Variants in LMX1B observed in about 807,000 individuals in gnomAD.
The protein encoded by LMX1B is LIM homeobox transcription factor 1 beta.
In LMX1B, 12 loss-of-function variants were observed where a neutral mutation model predicts 51.4. The ratio of observed to expected loss-of-function variants is 0.23; its 90% CI spans 0.15 to 0.38. The LOEUF (loss-of-function observed/expected upper bound fraction) is 0.38. LMX1B is among the 10% of genes least tolerant of loss of function. The probability of loss-of-function intolerance (pLI) is 1.00; values close to 1 mark genes in which losing one functional copy is unlikely to be tolerated. For synonymous variants in LMX1B, 237 were observed against 235.4 expected (o/e 1.01, Z -0.06); for missense variants, 445 against 571.1 (o/e 0.78, Z 2.25).
intron 2 of LMX1B, among the ~76,000 whole-genome samples, chr9:126,667,134 AT>A (rs1455067883): frequency 2.0e-5 from 3 of 152,202 alleles, no homozygotes; most frequent in African/African-American, 7.2e-5. Context: ...CAGTTGACAG[AT>A]GCGTAACGTT....
intron 2 of LMX1B, among the ~76,000 whole-genome samples, chr9:126,629,525 A>G (rs1835598126): frequency 6.6e-6 from 1 of 152,144 alleles, no homozygotes; most frequent in Non-Finnish European, 1.5e-5. Context: ...TCACGAGAAA[A>G]CTTTCAGCAG....
chr9:126,660,025 G>A (rs1836202992), intron 2 of LMX1B, among the ~76,000 whole-genome samples: 1 of 150,362 alleles, frequency 6.7e-6, no homozygotes, highest in Non-Finnish European at 1.5e-5. Flanking sequence ...TGTCCTGTGT[G>A]GGGGTGTCTA....
intron 6 of LMX1B, 173 bp downstream of exon 6, chr9:126,693,985 C>A: frequency 1.7e-6 from 1 of 584,924 alleles, no homozygotes; most frequent in South Asian, 2.1e-5. Flanking sequence ...CGGGATGTTT[C>A]TTTTAACAAA....
chr9:126,628,564 C>A (rs940108489), intron 2 of LMX1B, among the ~76,000 whole-genome samples: 1 of 152,172 alleles, frequency 6.6e-6, no homozygotes, highest in Non-Finnish European at 1.5e-5. Context: ...GGAATCTCTA[C>A]GCTGCGAAAC....
At position 126,699,955 on chromosome 9, in the gene LMX1B, A is replaced by G. The variant is rs1481214465; in HGVS notation, c.*3504A>G. The G allele has an allele frequency of 6.6e-6, 1 of 152,276 alleles. No homozygotes were observed. 9.4% of individuals were successfully genotyped at this position (152,276 alleles called of 1,614,324 possible). On this transcript the variant is annotated 3_prime_UTR_variant, in exon 8 of 8. Transcript: ENST00000373474. ...AGGGAGATAACTGTGTGGTCTCCAG[A>G]GCAAAAGAGAATGAGAGGTGGGCAG...
intron 2 of LMX1B, among the ~76,000 whole-genome samples, chr9:126,650,575 A>T (rs1198322282): frequency 1.3e-5 from 2 of 152,194 alleles, no homozygotes; most frequent in Non-Finnish European, 2.9e-5. Flanking sequence ...TGGAAAGAGG[A>T]TGTTAATGAC....
chr9:126,669,381 A>G (rs1485872494), intron 2 of LMX1B, among the ~76,000 whole-genome samples: 1 of 152,172 alleles, frequency 6.6e-6, no homozygotes, highest in Admixed American at 6.5e-5. Flanking sequence ...TGGGTGGGTC[A>G]CTGCCCTCTC....
In LMX1B at chr9:126,696,374, G is replaced by A. The variant is rs375881049; in HGVS notation, c.1132G>A (p.Val378Met). ...LSDCFLGSSDVGSLQARVGNP... is the reference protein window; with the variant it reads ...LSDCFLGSSDMGSLQARVGNP... ...CGACTGCTTCCTCGGCTCCTCAGACGTGGGCTCCCTGCAGGCCCGCGTGGG... is the reference window on the plus strand; with the variant it reads ...CGACTGCTTCCTCGGCTCCTCAGACATGGGCTCCCTGCAGGCCCGCGTGGG... Residue 378 changes from valine (V) to methionine (M), a missense_variant, in exon 8 of 8, where the codon GTG (valine) becomes ATG (methionine). Physicochemically the swap from Val to Met is conservative, Grantham distance 21. Coordinates refer to ENST00000373474, the MANE Select transcript of LMX1B (RefSeq NM_001174147.2). 31 of 1,613,950 alleles carry A rather than the reference G, an allele frequency of 1.9e-5. No homozygotes were observed. Among genetic ancestry groups the A allele is most frequent in the African/African-American group, 6.7e-5 (5 of 74,918 alleles).
rs1272119239 is a variant in LMX1B, at chr9:126,641,937, C to G, written c.326+26368C>G. Among the ~76,000 whole-genome samples, 1 of 152,178 alleles carries G rather than the reference C, an allele frequency of 6.6e-6. No individual in the cohort carries two copies. Among genetic ancestry groups the G allele is most frequent in the East Asian group, 1.9e-4 (1 of 5,200 alleles). On this transcript the variant is annotated intron_variant, in intron 2 of 7. Transcript: ENST00000373474. The surrounding 1 kb of genome is among the most constrained non-coding windows in gnomAD (Gnocchi z 4.1). ...TCTGTGAGATAGGGACCAGCTTATC[C>G]CCATTTTACAGATGACGCAACAGCC... is the stretch of plus-strand genomic sequence containing the variant.
At chr9:126,656,043 G>A (rs1034889382) in intron 2 of LMX1B, among the ~76,000 whole-genome samples, 2 of 152,224 alleles carry the variant, frequency 1.3e-5, no homozygotes, top group Admixed American at 6.5e-5. Flanking sequence ...CACTGAAGTA[G>A]AGGATTAAAT....
chr9:126,628,177 C>T (rs928033656), intron 2 of LMX1B, among the ~76,000 whole-genome samples: 1 of 152,200 alleles, frequency 6.6e-6, no homozygotes, highest in Non-Finnish European at 1.5e-5. Flanking sequence ...TTGGCCCTTC[C>T]TGTCTATAGT....
rs1835499479 is a variant in LMX1B at position 126,625,214 on chromosome 9, A to T, written c.326+9645A>T. Among the ~76,000 whole-genome samples the T allele has an allele frequency of 6.6e-6, 1 of 152,162 alleles. No homozygotes were observed. The highest frequency in any genetic ancestry group is 1.5e-5 in the Non-Finnish European group (1 of 68,022). On this transcript the variant is annotated intron_variant, in intron 2 of 7. Transcript: ENST00000373474. The surrounding 1 kb of genome is among the most constrained non-coding windows in gnomAD (Gnocchi z 5.3). Reference sequence around the variant, plus strand: ...GGGGCTCCGGCCCTGTAGCCCCCTGACGCTTTTCGTTTCCGAGCGCGCTTG... The same window carrying T: ...GGGGCTCCGGCCCTGTAGCCCCCTGTCGCTTTTCGTTTCCGAGCGCGCTTG...
rs963059990 is a variant in LMX1B, at chr9:126,671,863, C to T, written c.327-18973C>T. ...GAGGCCACTTGGCCAGGCCTCCACT[C>T]CCCTCCCTCCAGAGGGGCAGAGAGG... is the stretch of plus-strand genomic sequence containing the variant. On this transcript the variant is annotated intron_variant, in intron 2 of 7. Coordinates refer to ENST00000373474, the MANE Select transcript of LMX1B (RefSeq NM_001174147.2). This position sits in a 1 kb window ranked among gnomAD's most constrained non-coding sequence, Gnocchi z 4.4. 6.6e-6 allele frequency among the ~76,000 whole-genome samples: 1 copy of T among 152,264 alleles called. No individual in the cohort carries two copies. The highest frequency in any genetic ancestry group is 1.5e-5 in the Non-Finnish European group (1 of 68,042).
In LMX1B at chr9:126,696,508, T is replaced by A; in HGVS notation, c.*57T>A. On this transcript the variant is annotated 3_prime_UTR_variant, in exon 8 of 8. Transcript: ENST00000373474. ...GGGCCTGGGGGGGACTGCCAGCCTC[T>A]GCGGCCAGCCTGGCCACCCCCGCCC... 7.5e-6 allele frequency: 12 copies of A among 1,603,374 alleles called. No individual in the cohort carries two copies. The highest frequency in any genetic ancestry group is 1.0e-5 in the Non-Finnish European group (12 of 1,171,628).
chr9:126,664,873 G>GA (rs989941184), intron 2 of LMX1B, among the ~76,000 whole-genome samples: 95 of 152,226 alleles, frequency 6.2e-4, no homozygotes, highest in Admixed American at 2.1e-3. Flanking sequence ...ACTCCGTCTG[G>GA]AAAAAAATAA....
chr9:126,672,170 C>A (rs969098298), intron 2 of LMX1B, among the ~76,000 whole-genome samples: 1 of 152,250 alleles, frequency 6.6e-6, no homozygotes, highest in Non-Finnish European at 1.5e-5. Context: ...GCCATCCTGG[C>A]TGGCCCAGTA....
Position 126,666,168 on chromosome 9 carries a change from A to G in LMX1B, c.327-24668A>G, listed in dbSNP as rs550078605. Among the ~76,000 whole-genome samples the G allele has an allele frequency of 6.0e-4, 91 of 152,362 alleles. No homozygotes were observed. The South Asian group carries it at 9.5e-3, about 16-fold the overall frequency. Reference sequence around the variant, plus strand: ...GAGAGGCACAGACGGGTCTGAACGCAGCTCTGGTGCTCTGCTCACCACCTC... The same window carrying G: ...GAGAGGCACAGACGGGTCTGAACGCGGCTCTGGTGCTCTGCTCACCACCTC... On this transcript the variant is annotated intron_variant, in intron 2 of 7. Transcript: ENST00000373474.
chr9:126,696,137 C>G (rs1003946470), intron 7 of LMX1B, 134 bp downstream of exon 7: 1 of 1,157,742 alleles, frequency 8.6e-7, no homozygotes, highest in Admixed American at 1.8e-5. Context: ...CCTCCTGCCC[C>G]TGCTGACAGG....
At chr9:126,652,709 G>A (rs574003559) in intron 2 of LMX1B, among the ~76,000 whole-genome samples, 92 of 152,322 alleles carry the variant, frequency 6.0e-4, no homozygotes, top group Non-Finnish European at 7.9e-4. Context: ...ACTGCTTGGC[G>A]TCCACATGAT....
Sources: gnomAD v4.1 joint callset for allele counts (sites outside exome capture counted in the v4.1 genomes callset) on GRCh38, gnomAD v4.1.1 for gene constraint, Gnocchi (gnomAD v3.1) non-coding constraint, MANE v1.5 for transcripts, NCBI Gene and HGNC (gene_info 2026-07-23, HGNC 2026-07-21) for gene names.